SEMA3E: variants seen among roughly 807,000 people sequenced by gnomAD.
SEMA3E encodes semaphorin-3E.
Under a neutral mutation model 93.6 loss-of-function variants are expected in SEMA3E, and 49 were observed. The ratio of observed to expected loss-of-function variants is 0.52; its 90% confidence interval spans 0.42 to 0.66. SEMA3E has a LOEUF of 0.66. Among genes scored for constraint, SEMA3E ranks in the 30% least tolerant of loss-of-function variants. The pLI, the probability that SEMA3E is intolerant of heterozygous loss-of-function variation, is 0.00. For missense variants in SEMA3E, 906 were observed against 964.8 expected (o/e 0.94, Z 0.81); for synonymous variants, 363 against 330.7 (o/e 1.10, Z -1.06).
intron 1 of SEMA3E, among the ~76,000 whole-genome samples, chr7:83,600,407 C>T (rs1298256713): frequency 6.6e-6 from 1 of 151,242 alleles, no homozygotes; most frequent in Non-Finnish European, 1.5e-5. Context: ...GCAAGCTCCG[C>T]CTCCAGGGTT....
rs1230207087 is a variant in SEMA3E at position 83,528,786 on chromosome 7, A to G, written c.116-38512T>C. ...AAATCTTTGAAACAAATACATTTTC[A>G]GAAAGAGAATATTATCAGAACAAAA... On this transcript the variant is annotated intron_variant, in intron 1 of 16. Transcript: ENST00000643230. 2.0e-5 allele frequency among the ~76,000 whole-genome samples: 3 copies of G among 152,154 alleles called. No homozygotes were observed. The East Asian group carries it at 5.8e-4, about 29-fold the overall frequency.
chr7:83,547,586 T>C (rs1791678317), intron 1 of SEMA3E, among the ~76,000 whole-genome samples: 1 of 152,136 alleles, frequency 6.6e-6, no homozygotes. Context: ...TCAGACATAC[T>C]TTGGTATAAC....
chr7:83,605,678 C>G (rs1262837012), intron 1 of SEMA3E, among the ~76,000 whole-genome samples: 2 of 152,122 alleles, frequency 1.3e-5, no homozygotes, highest in African/African-American at 4.8e-5. Context: ...GGTCCACCCT[C>G]CTTGGCCTCC....
At chr7:83,518,603 T>C (rs1169264561) in intron 1 of SEMA3E, among the ~76,000 whole-genome samples, 1 of 152,168 alleles carries the variant, frequency 6.6e-6, no homozygotes, top group Admixed American at 6.5e-5. Flanking sequence ...CCTGATAGGA[T>C]TTTTGTGAGG....
intron 1 of SEMA3E, among the ~76,000 whole-genome samples, chr7:83,531,572 C>T (rs1269763140): frequency 1.3e-5 from 2 of 151,796 alleles, no homozygotes; most frequent in Non-Finnish European, 2.9e-5. Context: ...AGGCTGGTCT[C>T]GAACTCCTGA....
At chr7:83,413,737 T>C (rs901060329) in intron 5 of SEMA3E, among the ~76,000 whole-genome samples, 1 of 152,156 alleles carries the variant, frequency 6.6e-6, no homozygotes. Context: ...TAGCTCTCAA[T>C]GTTAAGAAGG....
chr7:83,434,987 A>G (rs1788974655), intron 4 of SEMA3E, among the ~76,000 whole-genome samples: 1 of 152,052 alleles, frequency 6.6e-6, no homozygotes, highest in East Asian at 1.9e-4. Context: ...TGCTGGGATT[A>G]CAGGCGTGAG....
chr7:83,593,242 C>G (rs1409816744), intron 1 of SEMA3E, among the ~76,000 whole-genome samples: 2 of 136,522 alleles, frequency 1.5e-5, no homozygotes, highest in Non-Finnish European at 3.1e-5. Flanking sequence ...CTCTCTTTCG[C>G]TCTTTCTCTC....
intron 1 of SEMA3E, among the ~76,000 whole-genome samples, chr7:83,533,904 G>C (rs1791356105): frequency 6.6e-6 from 1 of 152,268 alleles, no homozygotes; most frequent in South Asian, 2.1e-4. Context: ...GTCCTAAAGA[G>C]GAACTCAGCC....
chr7:83,395,036 TTTG>T (rs1788095685), intron 12 of SEMA3E, among the ~76,000 whole-genome samples: 2 of 152,108 alleles, frequency 1.3e-5, no homozygotes, highest in South Asian at 4.1e-4. Context: ...TGAAAAGCTG[TTTG>T]TTAAGAGGGA....
intron 4 of SEMA3E, among the ~76,000 whole-genome samples, chr7:83,456,706 T>A (rs999708006): frequency 6.6e-6 from 1 of 151,882 alleles, no homozygotes; most frequent in Non-Finnish European, 1.5e-5. Flanking sequence ...CTCCACCTCC[T>A]GGGGTCAAGC....
At chr7:83,478,258 T>G (rs563732315) in intron 2 of SEMA3E, among the ~76,000 whole-genome samples, 28 of 152,142 alleles carry the variant, frequency 1.8e-4, no homozygotes, top group African/African-American at 6.3e-4. Flanking sequence ...TGAGAATAAT[T>G]TTAGAAAAAC....
At chr7:83,559,013 T>C (rs1397947337) in intron 1 of SEMA3E, among the ~76,000 whole-genome samples, 1 of 152,096 alleles carries the variant, frequency 6.6e-6, no homozygotes, top group Non-Finnish European at 1.5e-5. Context: ...AGCTACATTG[T>C]TGGCTGAAGA....
At chr7:83,457,459 C>A (rs367737033) in intron 4 of SEMA3E, among the ~76,000 whole-genome samples, 9 of 152,302 alleles carry the variant, frequency 5.9e-5, no homozygotes, top group African/African-American at 7.2e-5. Context: ...CTTTGTATTT[C>A]TTCCCAATCA....
At position 83,444,922 on chromosome 7, in the gene SEMA3E, T is replaced by C. The variant is rs183863176; in HGVS notation, c.456+21560A>G. Among the ~76,000 whole-genome samples, 479 of 152,232 alleles carry C rather than the reference T, an allele frequency of 3.1e-3. 4 individuals carry two copies. Among genetic ancestry groups the C allele is most frequent in the African/African-American group, 0.011 (453 of 41,560 alleles). On this transcript the variant is annotated intron_variant, in intron 4 of 16. Transcript: ENST00000643230. ...CTGACCTCAGGTGATGCGCCCGTTT[T>C]GGCCTCCCAAAGTGCTGGGATTACA...
At chr7:83,593,614 G>A (rs1792807173) in intron 1 of SEMA3E, among the ~76,000 whole-genome samples, 1 of 151,928 alleles carries the variant, frequency 6.6e-6, no homozygotes, top group Admixed American at 6.6e-5. Flanking sequence ...CCACCACAAG[G>A]ACAGTGGTGC....
chr7:83,484,487 T>C (rs1790213244), intron 2 of SEMA3E, among the ~76,000 whole-genome samples: 1 of 152,174 alleles, frequency 6.6e-6, no homozygotes. Flanking sequence ...AATGACCTCG[T>C]CCTTCAAATC....
At chr7:83,584,270 G>C (rs989146131) in intron 1 of SEMA3E, among the ~76,000 whole-genome samples, 1 of 151,974 alleles carries the variant, frequency 6.6e-6, no homozygotes, top group Non-Finnish European at 1.5e-5. Context: ...ATCTCGGAAG[G>C]AAGTTACTTG....
At chr7:83,469,936 A>G (rs993926722) in intron 2 of SEMA3E, among the ~76,000 whole-genome samples, 1 of 151,768 alleles carries the variant, frequency 6.6e-6, no homozygotes, top group Non-Finnish European at 1.5e-5. Context: ...AGCTGGGACT[A>G]TGGCCCACCC....
Sources: gnomAD v4.1 joint callset for allele counts (sites outside exome capture counted in the v4.1 genomes callset) on GRCh38, gnomAD v4.1.1 for gene constraint, MANE v1.5 for transcripts, NCBI Gene and HGNC (gene_info 2026-07-23, HGNC 2026-07-21) for gene names.